Variants in VPS26A observed in about 807,000 individuals in gnomAD.
VPS26A encodes the protein vacuolar protein sorting-associated protein 26A.
A neutral mutation model predicts 42.4 loss-of-function variants in VPS26A; 22 were observed. That is an observed-to-expected ratio of 0.52 (90% CI 0.37 to 0.74). The LOEUF (loss-of-function observed/expected upper bound fraction) is 0.74. Ranked by LOEUF, VPS26A falls within the 30% of genes least tolerant of loss-of-function variation. The pLI is 0.00. For missense variants in VPS26A, 276 were observed against 379.2 expected, an observed-to-expected ratio of 0.73 and a Z score of 2.26; for synonymous variants, 110 against 123.5, an observed-to-expected ratio of 0.89 and a Z score of 0.73.
Position 69,162,529 on chromosome 10 carries a change from A to G in VPS26A, c.658+17A>G. On this transcript the variant is annotated intron_variant, in intron 6 of 8. Transcript: ENST00000263559. ...CAGGAATTGGTAAGTTGAAAAGAGT[A>G]TGTAAATTAAAATTCTTTGTTTTAG... 4.2e-6 allele frequency: 6 copies of G among 1,435,214 alleles called. No individual in the cohort carries two copies. Among genetic ancestry groups the G allele is most frequent in the Admixed American group, 2.2e-5 (1 of 45,106 alleles). The allele number at this position is 1,435,214 out of a possible 1,614,324, so 88.9% of individuals were successfully genotyped here. A position where few individuals can be genotyped will look rare whatever the true frequency, so the allele number is the denominator to read the frequency against.
At chr10:69,153,837 C>T (rs1841373278) in intron 2 of VPS26A, among the ~76,000 whole-genome samples, 1 of 152,096 alleles carries the variant, frequency 6.6e-6, no homozygotes, top group Non-Finnish European at 1.5e-5. Flanking sequence ...TTTCTGATTT[C>T]TCTGTTCTTT....
At position 69,154,236 on chromosome 10, in the gene VPS26A, T is replaced by C. The variant is rs559162040; in HGVS notation, c.154-1576T>C. ...GGTAAATGGTGGTGTAGCCAAACAA[T>C]AGAATTCTTTGTAGATCTGGCTGGG... On this transcript the variant is annotated intron_variant, in intron 2 of 8. Coordinates refer to ENST00000263559, the MANE Select transcript of VPS26A (RefSeq NM_004896.5). Among the ~76,000 whole-genome samples the C allele has an allele frequency of 3.3e-4, 51 of 152,290 alleles. No individual in the cohort carries two copies. In the Middle Eastern group the frequency reaches 0.017, roughly 51 times the overall value.
chr10:69,153,200 C>T (rs983932869), intron 2 of VPS26A, among the ~76,000 whole-genome samples: 6 of 151,788 alleles, frequency 4.0e-5, no homozygotes, highest in Admixed American at 2.6e-4. Flanking sequence ...CAGGCATGTG[C>T]CACCACGTCC....
At chr10:69,134,991 G>A (rs1840872262) in intron 2 of VPS26A, among the ~76,000 whole-genome samples, 1 of 152,108 alleles carries the variant, frequency 6.6e-6, no homozygotes, top group Admixed American at 6.5e-5. Context: ...AAAGGATGGA[G>A]CATGTCAAAT....
At position 69,153,655 on chromosome 10, in the gene VPS26A, G is replaced by A. The variant is rs1841369781; in HGVS notation, c.154-2157G>A. On this transcript the variant is annotated intron_variant, in intron 2 of 8. Coordinates refer to ENST00000263559, the MANE Select transcript of VPS26A (RefSeq NM_004896.5). Reference sequence around the variant, plus strand: ...AGGCATGAGCCACCACGCCTAGCTTGGAATTTTATTTCTAACATACATAGT... The same window carrying A: ...AGGCATGAGCCACCACGCCTAGCTTAGAATTTTATTTCTAACATACATAGT... Among the ~76,000 whole-genome samples, 5 of 151,922 alleles carry A rather than the reference G, an allele frequency of 3.3e-5. No individual in the cohort carries two copies. The South Asian group carries it at 1.0e-3, about 32-fold the overall frequency.
intron 5 of VPS26A, chr10:69,161,994 CTTTTTTT>C: frequency 7.6e-6 from 1 of 132,102 alleles, no homozygotes; most frequent in Non-Finnish European, 1.6e-5. Context: ...CAAAATAGTA[CTTTTTTT>C]TTTTTTTTTT....
At chr10:69,149,752 T>TGAGATGGAG (rs1841255449) in intron 2 of VPS26A, among the ~76,000 whole-genome samples, 1 of 132,016 alleles carries the variant, frequency 7.6e-6, no homozygotes. Context: ...TTTTTTTTTT[T>TGAGATGGAG]TTTTTTTTTT....
At chr10:69,167,315 C>G (rs572139831) in intron 7 of VPS26A, among the ~76,000 whole-genome samples, 2 of 151,904 alleles carry the variant, frequency 1.3e-5, no homozygotes, top group Admixed American at 1.3e-4. Context: ...CCTATGATCC[C>G]AGCTACCTGG....
intron 2 of VPS26A, among the ~76,000 whole-genome samples, chr10:69,138,919 GAAGT>G (rs1840980769): frequency 6.6e-6 from 1 of 152,070 alleles, no homozygotes; most frequent in Admixed American, 6.5e-5. Flanking sequence ...ATATGATTAT[GAAGT>G]TAGTTAAAAA....
chr10:69,138,205 G>A (rs909914769), intron 2 of VPS26A, among the ~76,000 whole-genome samples: 1 of 152,108 alleles, frequency 6.6e-6, no homozygotes, highest in Non-Finnish European at 1.5e-5. Context: ...GTATATCATT[G>A]TTTTTTATTG....
chr10:69,131,531 G>A (rs529485934), intron 1 of VPS26A, among the ~76,000 whole-genome samples: 16 of 152,260 alleles, frequency 1.1e-4, no homozygotes, highest in East Asian at 3.9e-4. Flanking sequence ...TCAGGAGATC[G>A]AGACCGTCCT....
chr10:69,148,426 A>G (rs1013430249), intron 2 of VPS26A, among the ~76,000 whole-genome samples: 2 of 152,182 alleles, frequency 1.3e-5, no homozygotes, highest in Non-Finnish European at 2.9e-5. Context: ...TCTTTAAGCA[A>G]GGAATATTTT....
chr10:69,151,891 C>G (rs1192350278), intron 2 of VPS26A, among the ~76,000 whole-genome samples: 1 of 152,020 alleles, frequency 6.6e-6, no homozygotes, highest in African/African-American at 2.4e-5. Context: ...TTTGAAATAG[C>G]TGGGATTATG....
intron 2 of VPS26A, chr10:69,133,506 A>T: frequency 8.1e-7 from 1 of 1,239,660 alleles, no homozygotes; most frequent in Non-Finnish European, 1.1e-6. Flanking sequence ...TACTGCTACT[A>T]TTGTGTCTGT....
In VPS26A at chr10:69,158,066, A is replaced by G. The variant is rs1841469547; in HGVS notation, c.406A>G (p.Ile136Val). 1.9e-6 allele frequency: 3 copies of G among 1,607,112 alleles called. No individual in the cohort carries two copies. The highest frequency in any genetic ancestry group is 2.5e-6 in the Non-Finnish European group (3 of 1,177,920). ...TTGTAGGTATTTTCTTAAAGTGACA[A>G]TAGTGAGAAGACTGACAGATTTGGT... ...VRLRYFLKVT[I>V]VRRLTDLVKE... is the part of the protein sequence containing the mutation. The change falls in exon 5 of 9, where the codon ATA becomes GTA. Residue 136 changes from isoleucine to valine, a missense_variant. Transcript: ENST00000263559.
chr10:69,164,843 T>A (rs999437706), intron 6 of VPS26A, among the ~76,000 whole-genome samples: 1 of 152,126 alleles, frequency 6.6e-6, no homozygotes, highest in African/African-American at 2.4e-5. Context: ...GCTGACCAGT[T>A]GTCCTGATAT....
intron 5 of VPS26A, chr10:69,161,673 T>C (rs562740957): frequency 3.3e-5 from 12 of 359,236 alleles, no homozygotes; most frequent in South Asian, 7.5e-5. Flanking sequence ...TTCCCCAGTT[T>C]CTTCTTGTCA....
intron 6 of VPS26A, 124 bp downstream of exon 6, chr10:69,162,636 C>G: frequency 1.9e-6 from 1 of 523,018 alleles, no homozygotes; most frequent in East Asian, 3.6e-5. Context: ...GTTAATATTG[C>G]TGGCAGTAAG....
At position 69,124,212 on chromosome 10, in the gene VPS26A, C is replaced by A. The variant is rs758219258; in HGVS notation, c.-66C>A. The stretch of plus-strand genomic sequence containing the variant: ...TGACGGAGCGCCGGAGCGGAGGGAG[C>A]CGGGGCTGGGAGTTCTCCTGAGGGA... On this transcript the variant is annotated 5_prime_UTR_variant, in exon 1 of 9. Transcript: ENST00000263559. 38 of 1,269,702 alleles carry A rather than the reference C, an allele frequency of 3.0e-5. No individual in the cohort carries two copies. The highest frequency in any genetic ancestry group is 3.7e-5 in the Non-Finnish European group (37 of 1,002,052). The allele number at this position is 1,269,702 out of a possible 1,614,324, so 78.7% of individuals were successfully genotyped here.
Sources: gnomAD v4.1 joint callset for allele counts (sites outside exome capture counted in the v4.1 genomes callset) on GRCh38, gnomAD v4.1.1 for gene constraint, MANE v1.5 for transcripts, NCBI Gene and HGNC (gene_info 2026-07-23, HGNC 2026-07-21) for gene names.